The following CDYL2 variants were observed in gnomAD, a reference collection of about 807,000 sequenced individuals.
The protein encoded by CDYL2 is chromodomain Y-like protein 2.
Under a neutral mutation model 49.4 loss-of-function variants are expected in CDYL2, and 23 were observed. The ratio of observed to expected loss-of-function variants is 0.47; its 90% CI spans 0.34 to 0.66. The LOEUF is 0.66. Among genes scored for constraint, CDYL2 ranks in the 30% least tolerant of loss-of-function variants. The pLI is 0.01. For synonymous variants in CDYL2, 360 were observed against 268.8 expected (o/e 1.34, Z -3.32); for missense variants, 678 against 656.4 (o/e 1.03, Z -0.36).
intron 2 of CDYL2, among the ~76,000 whole-genome samples, chr16:80,680,103 T>C (rs1461243486): frequency 6.6e-6 from 1 of 151,960 alleles, no homozygotes; most frequent in Non-Finnish European, 1.5e-5. Flanking sequence ...AAAGAGTGAG[T>C]AGGAAGAGAT....
chr16:80,601,126 C>CATTA lies in CDYL2; in HGVS notation c.*3261_*3262insTAAT, dbSNP rs1906063751. 1.3e-5 allele frequency: 2 copies of CATTA among 152,176 alleles called. No individual in the cohort carries two copies. The highest frequency in any genetic ancestry group is 6.5e-5 in the Admixed American group (1 of 15,278). The allele number at this position is 152,176 out of a possible 1,614,324, so 9.4% of individuals were successfully genotyped here. A position where few individuals can be genotyped will look rare whatever the true frequency, so the allele number is the denominator to read the frequency against. ...GCCGGAAGGGGCACATTAAGTACAT[C>CATTA]AGCATTAGGCTGTGTCTTCCAAATG... On this transcript the variant is annotated 3_prime_UTR_variant, in exon 7 of 7. Transcript: ENST00000570137.
chr16:80,694,915 A>C (rs1214857864), intron 1 of CDYL2, among the ~76,000 whole-genome samples: 3 of 152,260 alleles, frequency 2.0e-5, no homozygotes, highest in Admixed American at 2.0e-4. Context: ...AAAAGGGCCA[A>C]ATGAAAGAGC....
intron 2 of CDYL2, among the ~76,000 whole-genome samples, chr16:80,671,360 C>A (rs1344942652): frequency 1.3e-5 from 2 of 152,278 alleles, no homozygotes; most frequent in East Asian, 1.9e-4. Flanking sequence ...TAGGACCAGT[C>A]CTTCCATGGA....
chr16:80,639,709 G>T (rs745807739), intron 2 of CDYL2: 4 of 455,882 alleles, frequency 8.8e-6, no homozygotes, highest in South Asian at 3.1e-5. Context: ...AAGAAGCACC[G>T]AAGAGGTAAG....
chr16:80,673,163 C>T (rs1019588444), intron 2 of CDYL2, among the ~76,000 whole-genome samples: 5 of 151,788 alleles, frequency 3.3e-5, no homozygotes, highest in African/African-American at 1.2e-4. Flanking sequence ...ACTAAAAGTA[C>T]AAAAAAATTA....
chr16:80,658,937 G>A (rs991832121), intron 2 of CDYL2, among the ~76,000 whole-genome samples: 1 of 152,128 alleles, frequency 6.6e-6, no homozygotes, highest in African/African-American at 2.4e-5. Flanking sequence ...AGCTTGAAGG[G>A]GCTCCCACTG....
At chr16:80,727,837 A>G (rs1310875136) in intron 1 of CDYL2, among the ~76,000 whole-genome samples, 2 of 152,204 alleles carry the variant, frequency 1.3e-5, no homozygotes, top group African/African-American at 4.8e-5. Flanking sequence ...CAGCAGGGGC[A>G]GACTAACACC....
At chr16:80,725,643 G>T (rs1905139659) in intron 1 of CDYL2, among the ~76,000 whole-genome samples, 1 of 152,212 alleles carries the variant, frequency 6.6e-6, no homozygotes, top group South Asian at 2.1e-4. Context: ...ACATGCAGAA[G>T]TTCCAGCAGT....
At chr16:80,751,482 G>C (rs577767281) in intron 1 of CDYL2, among the ~76,000 whole-genome samples, 1 of 152,216 alleles carries the variant, frequency 6.6e-6, no homozygotes, top group Non-Finnish European at 1.5e-5. Context: ...GCTAAGGAGA[G>C]CTTTCAACAG....
chr16:80,653,160 A>G (rs74540846), intron 2 of CDYL2, among the ~76,000 whole-genome samples: 4,307 of 152,328 alleles, frequency 0.028, 161 homozygotes, highest in African/African-American at 0.078. Flanking sequence ...CTGTGAACCT[A>G]TAACTGGTTA....
chr16:80,675,600 G>C (rs115527328), intron 2 of CDYL2, among the ~76,000 whole-genome samples: 1 of 152,138 alleles, frequency 6.6e-6, no homozygotes, highest in Non-Finnish European at 1.5e-5. Flanking sequence ...TCAATGGGGA[G>C]AGTGGCTTTT....
chr16:80,629,402 G>C (rs1597134034), intron 3 of CDYL2, among the ~76,000 whole-genome samples: 1 of 152,220 alleles, frequency 6.6e-6, no homozygotes, highest in Non-Finnish European at 1.5e-5. Context: ...CCGGCCTTGA[G>C]ACAGGTTTGC....
intron 1 of CDYL2, among the ~76,000 whole-genome samples, chr16:80,689,942 G>C (rs1052514988): frequency 5.9e-5 from 9 of 151,988 alleles, no homozygotes; most frequent in African/African-American, 2.4e-5. Context: ...CCAACATGGT[G>C]AAACCCCATC....
At chr16:80,683,974 T>C (rs1318848378) in intron 2 of CDYL2, among the ~76,000 whole-genome samples, 1 of 152,198 alleles carries the variant, frequency 6.6e-6, no homozygotes. Flanking sequence ...CAGGACCTAA[T>C]ATAGGTCAAT....
chr16:80,616,160 C>A (rs1906818207), intron 4 of CDYL2, among the ~76,000 whole-genome samples: 5 of 152,224 alleles, frequency 3.3e-5, no homozygotes, highest in Admixed American at 3.3e-4. Context: ...AGTGAAGTCT[C>A]AGTTCTGCCC....
At chr16:80,717,595 A>T (rs1904854533) in intron 1 of CDYL2, among the ~76,000 whole-genome samples, 1 of 152,190 alleles carries the variant, frequency 6.6e-6, no homozygotes, top group African/African-American at 2.4e-5. Flanking sequence ...GAGAAACTGG[A>T]GACTGAACCA....
intron 1 of CDYL2, among the ~76,000 whole-genome samples, chr16:80,698,156 C>A (rs1904283615): frequency 6.6e-6 from 1 of 152,210 alleles, no homozygotes; most frequent in South Asian, 2.1e-4. Flanking sequence ...TACTAAAAAT[C>A]TGTAGTAACC....
At chr16:80,652,717 T>C (rs565321533) in intron 2 of CDYL2, among the ~76,000 whole-genome samples, 1 of 152,162 alleles carries the variant, frequency 6.6e-6, no homozygotes, top group Non-Finnish European at 1.5e-5. Context: ...TTATGAACTA[T>C]AGACCTGATA....
At chr16:80,608,031 G>A in intron 6 of CDYL2, 61 bp downstream of exon 6, 1 of 1,501,066 alleles carries the variant, frequency 6.7e-7, no homozygotes, top group Non-Finnish European at 8.9e-7. Context: ...GAGCCTTGCT[G>A]TCTTCATGTG....
Sources: allele counts gnomAD v4.1 joint callset (sites outside exome capture counted in the v4.1 genomes callset), GRCh38; gene constraint gnomAD v4.1.1; transcripts MANE v1.5; gene names NCBI Gene and HGNC (gene_info 2026-07-23, HGNC 2026-07-21).